The following SERPINB8 variants were observed in gnomAD, a reference collection of about 807,000 sequenced individuals.
SERPINB8 encodes serpin family B member 8.
SERPINB8 carries 25 observed loss-of-function variants against 35.3 expected under a neutral mutation model. The observed-to-expected ratio is 0.71, with a 90% CI of 0.52 to 0.99. SERPINB8 has a LOEUF of 0.99. SERPINB8 is among the 50% of genes least tolerant of loss of function. The pLI, the probability that SERPINB8 is intolerant of heterozygous loss-of-function variation, is 0.00. For missense variants in SERPINB8, 484 were observed against 446.5 expected (o/e 1.08, Z -0.76); for synonymous variants, 186 against 160.8 (o/e 1.16, Z -1.19).
chr18:64,018,092 G>C (rs897237311), intron 7 of SERPINB8, among the ~76,000 whole-genome samples: 1 of 152,096 alleles, frequency 6.6e-6, no homozygotes, highest in Admixed American at 6.6e-5. Flanking sequence ...GAATGAGTGA[G>C]CTTTCCTTCT....
intron 1 of SERPINB8, among the ~76,000 whole-genome samples, chr18:63,974,179 T>C (rs1194480225): frequency 6.6e-6 from 1 of 152,206 alleles, no homozygotes; most frequent in African/African-American, 2.4e-5. Flanking sequence ...TCTGAGGATT[T>C]CCATAGCACT....
chr18:63,981,951 T>C (rs1324374213), intron 4 of SERPINB8, 113 bp downstream of exon 4: 7 of 678,348 alleles, frequency 1.0e-5, no homozygotes, highest in East Asian at 2.5e-5. Flanking sequence ...ACAGGCCTGT[T>C]TGTATGTGTT....
chr18:64,014,558 C>T (rs2144852319), intron 7 of SERPINB8, among the ~76,000 whole-genome samples: 1 of 152,292 alleles, frequency 6.6e-6, no homozygotes, highest in African/African-American at 2.4e-5. Flanking sequence ...AATCCTTCCT[C>T]ATGCCAACTC....
intron 5 of SERPINB8, 133 bp from the exon 6 acceptor site, chr18:63,984,960 G>A (rs1206682657): frequency 1.2e-6 from 1 of 815,896 alleles, no homozygotes; most frequent in Non-Finnish European, 1.9e-6. Flanking sequence ...TACTAATGAA[G>A]ATTTTATATC....
At chr18:63,998,629 A>T (rs899016348) in intron 1 of SERPINB8, among the ~76,000 whole-genome samples, 1 of 152,280 alleles carries the variant, frequency 6.6e-6, no homozygotes, top group Admixed American at 6.5e-5. Context: ...CCTCAGTTGC[A>T]CACCCCTCTT....
chr18:64,015,608 C>T (rs751569784), intron 7 of SERPINB8, among the ~76,000 whole-genome samples: 7 of 152,250 alleles, frequency 4.6e-5, no homozygotes, highest in South Asian at 2.1e-4. Flanking sequence ...CTTGTTATGT[C>T]GATACCTTTT....
intron 7 of SERPINB8, among the ~76,000 whole-genome samples, chr18:64,014,784 T>G (rs576696740): frequency 6.6e-6 from 1 of 152,158 alleles, no homozygotes; most frequent in Admixed American, 6.5e-5. Flanking sequence ...ATGCCGTTTT[T>G]AAAAATTCCT....
intron 5 of SERPINB8, among the ~76,000 whole-genome samples, chr18:63,984,382 A>C (rs1189571554): frequency 6.6e-6 from 1 of 152,222 alleles, no homozygotes; most frequent in Non-Finnish European, 1.5e-5. Flanking sequence ...TATCAGTGGC[A>C]ACTATGCCTA....
intron 7 of SERPINB8, among the ~76,000 whole-genome samples, chr18:64,015,209 G>C (rs1353051780): frequency 6.6e-6 from 1 of 152,090 alleles, no homozygotes; most frequent in Non-Finnish European, 1.5e-5. Flanking sequence ...CAAATACCAG[G>C]GTCCAGCATT....
At chr18:63,994,983 C>A (rs1301779317) in intron 1 of SERPINB8, among the ~76,000 whole-genome samples, 1 of 152,162 alleles carries the variant, frequency 6.6e-6, no homozygotes. Flanking sequence ...ATCCGGCGCC[C>A]TCTACTGGAC....
chr18:63,983,869 C>T, intron 5 of SERPINB8, 148 bp downstream of exon 5: 2 of 616,734 alleles, frequency 3.2e-6, no homozygotes, highest in Non-Finnish European at 5.1e-6. Flanking sequence ...TTCTTTGAGA[C>T]AGGGTCTCTT....
chr18:63,979,553 C>T lies in SERPINB8; in HGVS notation c.169-248C>T, dbSNP rs9807303. Among the ~76,000 whole-genome samples, 575 of 152,228 alleles carry T rather than the reference C, an allele frequency of 3.8e-3. 1 individual carries two copies. Among genetic ancestry groups the T allele is most frequent in the African/African-American group, 0.013 (536 of 41,514 alleles). ...TCCCATAACTGAGAGGTGCTACTGACATCTAGTGGATGGAAGCCAGAAGTG... is the reference window on the plus strand; with the variant it reads ...TCCCATAACTGAGAGGTGCTACTGATATCTAGTGGATGGAAGCCAGAAGTG... On this transcript the variant is annotated intron_variant, in intron 2 of 6. Transcript: ENST00000397985.
At chr18:63,996,531 AAGT>A (rs2050850306) in intron 1 of SERPINB8, among the ~76,000 whole-genome samples, 1 of 152,222 alleles carries the variant, frequency 6.6e-6, no homozygotes, top group Non-Finnish European at 1.5e-5. Context: ...TCCTTTCACA[AAGT>A]GACCTAAATT....
At chr18:63,990,663 T>TTCCCACCC, downstream of SERPINB8, among the ~76,000 whole-genome samples, 2 of 144,248 alleles carry the variant, frequency 1.4e-5, no homozygotes, top group South Asian at 2.2e-4. Flanking sequence ...CTATCCCTCA[T>TTCCCACCC]CCCTCCCCCC....
intron 1 of SERPINB8, among the ~76,000 whole-genome samples, chr18:63,977,802 T>C (rs1456100115): frequency 1.1e-4 from 17 of 152,228 alleles, no homozygotes; most frequent in Non-Finnish European, 1.0e-4. Context: ...ACCACAAATT[T>C]AGTGGCTGAA....
chr18:64,013,449 T>C (rs1255144445), intron 7 of SERPINB8, among the ~76,000 whole-genome samples: 1 of 152,198 alleles, frequency 6.6e-6, no homozygotes, highest in Non-Finnish European at 1.5e-5. Flanking sequence ...TTTTCCATTC[T>C]TACAGTCATT....
chr18:64,007,658 G>A (rs1260096362), downstream of SERPINB8, among the ~76,000 whole-genome samples: 2 of 152,194 alleles, frequency 1.3e-5, no homozygotes, highest in Non-Finnish European at 1.5e-5. Context: ...AGGTGAAGAG[G>A]AAGCAGGCAT....
Position 63,985,038 on chromosome 18 carries a change from A to G in SERPINB8, c.568-55A>G, listed in dbSNP as rs192005167. 21 of 1,581,678 alleles carry G rather than the reference A, an allele frequency of 1.3e-5. No homozygotes were observed. In the East Asian group the frequency reaches 2.9e-4, roughly 22 times the overall value. ...AGTTTCTGTGAGTTAGATATATCCT[A>G]TTTTTAGTAAATTATACCCACTTTT... On this transcript the variant is annotated intron_variant, in intron 5 of 6. Coordinates refer to ENST00000397985, the MANE Select transcript of SERPINB8 (RefSeq NM_002640.4).
intron 1 of SERPINB8, among the ~76,000 whole-genome samples, chr18:63,974,407 T>C (rs1225582596): frequency 6.6e-6 from 1 of 152,168 alleles, no homozygotes; most frequent in Non-Finnish European, 1.5e-5. Flanking sequence ...AGGTAGTTCG[T>C]AGGTATTTGG....
Sources: allele counts gnomAD v4.1 joint callset (sites outside exome capture counted in the v4.1 genomes callset), GRCh38; gene constraint gnomAD v4.1.1; transcripts MANE v1.5; gene names NCBI Gene and HGNC (gene_info 2026-07-23, HGNC 2026-07-21).